The following ME3 variants were observed in gnomAD, a reference collection of about 807,000 sequenced individuals.
ME3 encodes the protein malic enzyme 3, also known as NADP-dependent malic enzyme, mitochondrial.
ME3 carries 48 observed loss-of-function variants against 68.9 expected under a neutral mutation model. The ratio of observed to expected loss-of-function variants is 0.70; its 90% CI spans 0.55 to 0.89. The LOEUF (loss-of-function observed/expected upper bound fraction) is 0.89, where lower values mean the gene tolerates loss of function less well. Among genes scored for constraint, ME3 ranks in the 40% least tolerant of loss-of-function variants. ME3 has a pLI of 0.00. For synonymous variants in ME3, 320 were observed against 318.8 expected (o/e 1.00, Z -0.04); for missense variants, 675 against 797.4 (o/e 0.85, Z 1.85).
At chr11:86,528,580 C>T (rs1417173475) in intron 4 of ME3, among the ~76,000 whole-genome samples, 1 of 152,068 alleles carries the variant, frequency 6.6e-6, no homozygotes, top group African/African-American at 2.4e-5. Flanking sequence ...GCCACACCTA[C>T]TCCAAAATTG....
At chr11:86,662,321 G>T (rs2135494888) in intron 2 of ME3, among the ~76,000 whole-genome samples, 1 of 152,326 alleles carries the variant, frequency 6.6e-6, no homozygotes, top group East Asian at 1.9e-4. Flanking sequence ...TTTCTCATCT[G>T]TCATATAAGA....
intron 13 of ME3, among the ~76,000 whole-genome samples, chr11:86,445,694 A>G (rs1949245960): frequency 6.6e-6 from 1 of 152,154 alleles, no homozygotes; most frequent in African/African-American, 2.4e-5. Context: ...GAGTGTGAAT[A>G]TAGGCTGTCA....
intron 4 of ME3, among the ~76,000 whole-genome samples, chr11:86,530,202 C>T (rs1179897910): frequency 1.3e-5 from 2 of 152,076 alleles, no homozygotes; most frequent in African/African-American, 2.4e-5. Context: ...TTCTTATACA[C>T]CAATAACAGA....
At chr11:86,649,127 TG>T (rs1945230779) in intron 2 of ME3, among the ~76,000 whole-genome samples, 1 of 152,156 alleles carries the variant, frequency 6.6e-6, no homozygotes, top group Non-Finnish European at 1.5e-5. Flanking sequence ...ACCATCAACT[TG>T]GCTTCATCCC....
At chr11:86,579,526 C>T (rs1214920794) in intron 2 of ME3, among the ~76,000 whole-genome samples, 1 of 152,164 alleles carries the variant, frequency 6.6e-6, no homozygotes, top group Non-Finnish European at 1.5e-5. Context: ...CTGGCTGGAA[C>T]ATCTGAGGCT....
chr11:86,475,139 C>T (rs1167954493), intron 7 of ME3, among the ~76,000 whole-genome samples: 3 of 152,094 alleles, frequency 2.0e-5, no homozygotes, highest in Admixed American at 1.3e-4. Context: ...AAATGTAATT[C>T]CCAATGTTGG....
intron 5 of ME3, among the ~76,000 whole-genome samples, chr11:86,502,150 A>C (rs1247987147): frequency 6.6e-6 from 1 of 152,222 alleles, no homozygotes; most frequent in East Asian, 1.9e-4. Flanking sequence ...TACTTTCTTG[A>C]ATACATGCCA....
chr11:86,514,645 C>A (rs1953761363), intron 4 of ME3, among the ~76,000 whole-genome samples: 1 of 152,202 alleles, frequency 6.6e-6, no homozygotes, highest in Non-Finnish European at 1.5e-5. Context: ...TCTATTACTT[C>A]CTAGCTACAT....
chr11:86,467,329 G>C (rs367743554), intron 7 of ME3, among the ~76,000 whole-genome samples: 229 of 152,272 alleles, frequency 1.5e-3, no homozygotes, highest in African/African-American at 4.8e-3. Flanking sequence ...AAATGCTGAT[G>C]GAGGTTTGGT....
intron 4 of ME3, among the ~76,000 whole-genome samples, chr11:86,548,429 T>C (rs916933183): frequency 7.2e-5 from 11 of 152,158 alleles, no homozygotes; most frequent in Admixed American, 1.3e-4. Context: ...CTAAGATCTA[T>C]TCCGGCATCA....
At chr11:86,659,882 A>C (rs1014594581) in intron 2 of ME3, among the ~76,000 whole-genome samples, 1 of 152,204 alleles carries the variant, frequency 6.6e-6, no homozygotes, top group African/African-American at 2.4e-5. Flanking sequence ...ATCAATCGAT[A>C]GATAGATCCA....
At chr11:86,580,876 G>T (rs1188132867) in intron 2 of ME3, among the ~76,000 whole-genome samples, 1 of 152,190 alleles carries the variant, frequency 6.6e-6, no homozygotes, top group Non-Finnish European at 1.5e-5. Flanking sequence ...TTAGAGACAA[G>T]GTTTGATCAG....
chr11:86,615,995 A>G (rs938675026), intron 2 of ME3, among the ~76,000 whole-genome samples: 1 of 152,228 alleles, frequency 6.6e-6, no homozygotes, highest in African/African-American at 2.4e-5. Flanking sequence ...TCTCACCACC[A>G]AAGCACAACC....
intron 2 of ME3, among the ~76,000 whole-genome samples, chr11:86,605,141 G>GT (rs1166720121): frequency 6.6e-6 from 1 of 152,148 alleles, no homozygotes. Flanking sequence ...TTAACACAAT[G>GT]TTTTTGAGGT....
chr11:86,599,276 G>A (rs1405157347), intron 2 of ME3, among the ~76,000 whole-genome samples: 2 of 152,208 alleles, frequency 1.3e-5, no homozygotes, highest in African/African-American at 2.4e-5. Context: ...GAAGCTGAAA[G>A]CCAAGGCTCG....
chr11:86,671,643 A>C, intron 2 of ME3, 119 bp downstream of exon 2: 2 of 1,301,296 alleles, frequency 1.5e-6, no homozygotes, highest in Non-Finnish European at 2.1e-6. Flanking sequence ...GCAAGGCAAA[A>C]ACAGAAAAAC....
chr11:86,663,181 ATTCAACTGTATC>A (rs1409512163), intron 2 of ME3, among the ~76,000 whole-genome samples: 1 of 152,244 alleles, frequency 6.6e-6, no homozygotes, highest in Non-Finnish European at 1.5e-5. Context: ...GTTGCTGATC[ATTCAACTGTATC>A]TTCTAAAATA....
chr11:86,626,188 GTAAACCACA>G (rs1036004570), intron 2 of ME3, among the ~76,000 whole-genome samples: 5 of 152,168 alleles, frequency 3.3e-5, no homozygotes, highest in Non-Finnish European at 5.9e-5. Flanking sequence ...CTGGAACCCT[GTAAACCACA>G]TTGCAAACTG....
At chr11:86,560,855 A>C (rs1239573478) in intron 2 of ME3, among the ~76,000 whole-genome samples, 2 of 150,022 alleles carry the variant, frequency 1.3e-5, no homozygotes, top group African/African-American at 4.9e-5. Context: ...AGTTTCCCAG[A>C]TGTCCCTTGT....
Sources: gnomAD v4.1 joint callset for allele counts (sites outside exome capture counted in the v4.1 genomes callset) on GRCh38, gnomAD v4.1.1 for gene constraint, MANE v1.5 for transcripts, NCBI Gene and HGNC (gene_info 2026-07-23, HGNC 2026-07-21) for gene names.